Variants in SEPTIN8 observed in about 807,000 individuals in gnomAD.
SEPTIN8 encodes the protein septin 8, also known as septin-8.
Under a neutral mutation model 53.1 loss-of-function variants are expected in SEPTIN8, and 22 were observed. The ratio of observed to expected loss-of-function variants is 0.41; its 90% CI spans 0.30 to 0.59. The LOEUF (loss-of-function observed/expected upper bound fraction) is 0.59, where lower values mean the gene tolerates loss of function less well. SEPTIN8 is among the 20% of genes least tolerant of loss of function. The pLI is 0.24. For missense variants in SEPTIN8, 536 were observed against 638.7 expected, an observed-to-expected ratio of 0.84 and a Z score of 1.73; for synonymous variants, 228 against 248.4, an observed-to-expected ratio of 0.92 and a Z score of 0.77.
intron 1 of SEPTIN8, among the ~76,000 whole-genome samples, chr5:132,772,896 G>A (rs1757453921): frequency 6.6e-6 from 1 of 152,128 alleles, no homozygotes; most frequent in Non-Finnish European, 1.5e-5. Flanking sequence ...TCAGAAAACA[G>A]CCAGCCACCT....
chr5:132,777,208 G>T lies in SEPTIN8; in HGVS notation c.-71C>A, dbSNP rs1264570986. The T allele has an allele frequency of 1.1e-4, 133 of 1,157,916 alleles. No homozygotes were observed. The highest frequency in any genetic ancestry group is 1.4e-4 in the Non-Finnish European group (128 of 939,518). 71.7% of individuals were successfully genotyped at this position (1,157,916 alleles called of 1,614,324 possible). ...AGCGACAGGGACCAGCCGGCTGCGG[G>T]ACGCGCTCCGCCCGGGCGGCTGCGG... On this transcript the variant is annotated 5_prime_UTR_variant, in exon 1 of 10. Coordinates refer to ENST00000378719, the MANE Select transcript of SEPTIN8 (RefSeq NM_001098811.2). This position sits in a 1 kb window ranked among gnomAD's most constrained non-coding sequence, Gnocchi z 4.1.
intron 1 of SEPTIN8, among the ~76,000 whole-genome samples, chr5:132,770,008 T>C (rs256873): frequency 0.088 from 4,560 of 52,092 alleles, 228 homozygotes; most frequent in East Asian, 0.26. Flanking sequence ...TATATATATA[T>C]ATATATATAT....
chr5:132,757,179 G>A, intron 9 of SEPTIN8: 1 of 975,352 alleles, frequency 1.0e-6, no homozygotes, highest in Non-Finnish European at 1.2e-6. Context: ...TATTAACATT[G>A]TTTTTCTTAA....
chr5:132,763,637 A>G (rs1756231884), intron 4 of SEPTIN8, 69 bp downstream of exon 4: 4 of 1,455,838 alleles, frequency 2.7e-6, no homozygotes, highest in Middle Eastern at 3.6e-4. Flanking sequence ...TTCAGGCATG[A>G]GGCAGCCACC....
chr5:132,778,693 T>C (rs925174365), upstream of SEPTIN8, among the ~76,000 whole-genome samples: 1 of 152,172 alleles, frequency 6.6e-6, no homozygotes, highest in African/African-American at 2.4e-5. Context: ...CCTTCCCTGG[T>C]CCTAAAAATG....
Position 132,757,153 on chromosome 5 carries a change from C to T in SEPTIN8, c.1286+3649G>A, listed in dbSNP as rs1022160858. 5.1e-6 allele frequency: 5 copies of T among 974,330 alleles called. No homozygotes were observed. The African/African-American group carries it at 8.8e-5, about 17-fold the overall frequency. 60.4% of individuals were successfully genotyped at this position (974,330 alleles called of 1,614,324 possible). On this transcript the variant is annotated intron_variant, in intron 9 of 9. Coordinates refer to ENST00000378719, the MANE Select transcript of SEPTIN8 (RefSeq NM_001098811.2). Reference sequence around the variant, plus strand: ...TAATCTTCAGGGCCCCTTCCAAGACCCTGTACCTAATTTTATATTAACATT... The same window carrying T: ...TAATCTTCAGGGCCCCTTCCAAGACTCTGTACCTAATTTTATATTAACATT...
Position 132,756,223 on chromosome 5 carries a change from T to G in SEPTIN8, c.1287-4042A>C, listed in dbSNP as rs1168109351. On this transcript the variant is annotated intron_variant, in intron 9 of 9. Coordinates refer to ENST00000378719, the MANE Select transcript of SEPTIN8 (RefSeq NM_001098811.2). ...TTTACACATACACAAACATATGCAG[T>G]CAGTAATGCACAATTACAAACCACC... The G allele has an allele frequency of 4.1e-6, 4 of 985,246 alleles. No homozygotes were observed. The African/African-American group carries it at 7.0e-5, about 17-fold the overall frequency. 61.0% of individuals were successfully genotyped at this position (985,246 alleles called of 1,614,324 possible).
upstream of SEPTIN8, chr5:132,777,296 C>G (rs1757899718): frequency 9.1e-7 from 1 of 1,094,460 alleles, no homozygotes; most frequent in Non-Finnish European, 1.1e-6. This position sits in a 1 kb window ranked among gnomAD's most constrained non-coding sequence, Gnocchi z 4.1. Flanking sequence ...CGGGAGAAGC[C>G]GCGGAGCCGC....
At position 132,754,647 on chromosome 5, in the gene SEPTIN8, C is replaced by T. The variant is rs2149949026; in HGVS notation, c.1287-2466G>A. 2 of 611,960 alleles carry T rather than the reference C, an allele frequency of 3.3e-6. 1 individual carries two copies. Among genetic ancestry groups the T allele is most frequent in the Middle Eastern group, 6.7e-4 (2 of 2,994 alleles). 37.9% of individuals were successfully genotyped at this position (611,960 alleles called of 1,614,324 possible). ...GCTCACTTTTGTATTGCCGAAGTCC[C>T]ACTCGTGGATTTTTAAAAATCTTAT... On this transcript the variant is annotated intron_variant, in intron 9 of 9. Transcript: ENST00000378719.
chr5:132,756,639 A>G (rs1317174327), intron 9 of SEPTIN8: 1 of 985,490 alleles, frequency 1.0e-6, no homozygotes, highest in Non-Finnish European at 1.2e-6. Context: ...AAACACAAAC[A>G]GCAGGGGAGA....
chr5:132,767,791 A>G (rs1756756439), intron 1 of SEPTIN8, among the ~76,000 whole-genome samples: 1 of 152,040 alleles, frequency 6.6e-6, no homozygotes, highest in Non-Finnish European at 1.5e-5. Context: ...TTCAGGCAAG[A>G]CTGAAAATCT....
At chr5:132,769,971 C>G (rs1338742353) in intron 1 of SEPTIN8, among the ~76,000 whole-genome samples, 1 of 109,126 alleles carries the variant, frequency 9.2e-6, no homozygotes, top group Admixed American at 1.1e-4. Context: ...AAAAATCTCT[C>G]TCTATATATA....
Position 132,751,110 on chromosome 5 carries a change from C to A in SEPTIN8, c.*906G>T. The A allele has an allele frequency of 8.1e-7, 1 of 1,233,612 alleles. No homozygotes were observed. Among genetic ancestry groups the A allele is most frequent in the Non-Finnish European group, 1.1e-6 (1 of 879,250 alleles). The allele number at this position is 1,233,612 out of a possible 1,614,324, so 76.4% of individuals were successfully genotyped here. A position where few individuals can be genotyped will look rare whatever the true frequency, so the allele number is the denominator to read the frequency against. On this transcript the variant is annotated 3_prime_UTR_variant, in exon 10 of 10. Coordinates refer to ENST00000378719, the MANE Select transcript of SEPTIN8 (RefSeq NM_001098811.2). ...GCGTGCACACGCCCTTGCACATGCA[C>A]CACAGTGAGGTGACGCACAAGGCTC...
At chr5:132,767,223 T>C (rs915304653) in intron 1 of SEPTIN8, among the ~76,000 whole-genome samples, 1 of 152,080 alleles carries the variant, frequency 6.6e-6, no homozygotes. Context: ...CCAAAGGCAG[T>C]TTCCTCTCAT....
At position 132,767,943 on chromosome 5, in the gene SEPTIN8, C is replaced by CCACACACACACACACACACA. The variant is rs57640097; in HGVS notation, c.31-2434_31-2415dup. Among the ~76,000 whole-genome samples the CCACACACACACACACACACA allele has an allele frequency of 3.2e-3, 410 of 127,952 alleles. 16 individuals are homozygous for CCACACACACACACACACACA. In the East Asian group the frequency reaches 0.033, roughly 10 times the overall value. 83.9% of individuals were successfully genotyped at this position (127,952 alleles called of 152,430 possible). A position where few individuals can be genotyped will look rare whatever the true frequency, so the allele number is the denominator to read the frequency against. ...CCACCAAGTCAGCTGTGTCTGGAAA[C>CCACACACACACACACACACA]CACACACACACACACACACACACAC... On this transcript the variant is annotated intron_variant, in intron 1 of 9. Transcript: ENST00000378719.
chr5:132,777,892 T>C (rs1295796403), upstream of SEPTIN8: 1 of 985,374 alleles, frequency 1.0e-6, no homozygotes, highest in Non-Finnish European at 1.2e-6. The surrounding 1 kb of genome is among the most constrained non-coding windows in gnomAD (Gnocchi z 4.1). Context: ...TAGGCTGGGA[T>C]TCCTGCAATA....
chr5:132,753,775 G>A (rs1303304004), intron 9 of SEPTIN8: 1 of 152,390 alleles, frequency 6.6e-6, no homozygotes, highest in Non-Finnish European at 1.5e-5. Flanking sequence ...TCCAACCACA[G>A]TGCTGCCAGG....
At chr5:132,777,337 C>CGCCCG (rs1038737486), upstream of SEPTIN8, 32 of 1,058,074 alleles carry the variant, frequency 3.0e-5, no homozygotes, top group Non-Finnish European at 3.6e-5. This position sits in a 1 kb window ranked among gnomAD's most constrained non-coding sequence, Gnocchi z 4.1. Flanking sequence ...CCGGCCTCCC[C>CGCCCG]GCCCGGCCCG....
chr5:132,765,326 C>T (rs1756470211), intron 2 of SEPTIN8, 83 bp downstream of exon 2: 2 of 1,521,914 alleles, frequency 1.3e-6, no homozygotes, highest in Admixed American at 1.9e-5. Context: ...AGCCCCCTTG[C>T]AGCTCAACAG....
Sources: allele counts gnomAD v4.1 joint callset (sites outside exome capture counted in the v4.1 genomes callset), GRCh38; gene constraint gnomAD v4.1.1; non-coding constraint Gnocchi (gnomAD v3.1); transcripts MANE v1.5; gene names NCBI Gene and HGNC (gene_info 2026-07-23, HGNC 2026-07-21).